The following MACF1 variants were observed in gnomAD, a reference collection of about 807,000 sequenced individuals.
MACF1 encodes the protein microtubule actin crosslinking factor 1, also known as microtubule-actin cross-linking factor 1.
Under a neutral mutation model 854.8 loss-of-function variants are expected in MACF1, and 193 were observed. The observed-to-expected ratio is 0.23, with a 90% CI of 0.20 to 0.25. The LOEUF (loss-of-function observed/expected upper bound fraction) is 0.25. Ranked by LOEUF, MACF1 falls within the 10% of genes least tolerant of loss-of-function variation. The pLI is 1.00. For synonymous variants in MACF1, 3,185 were observed against 3,226.7 expected, an observed-to-expected ratio of 0.99 and a Z score of 0.44; for missense variants, 7,722 against 8,929.1, an observed-to-expected ratio of 0.86 and a Z score of 5.45.
Position 39,357,905 on chromosome 1 carries a change from G to T in MACF1, c.11943+12G>T, listed in dbSNP as rs558531401. 1 of 1,593,110 alleles carries T rather than the reference G, an allele frequency of 6.3e-7. No homozygotes were observed. Among genetic ancestry groups the T allele is most frequent in the East Asian group, 2.2e-5 (1 of 44,800 alleles). On this transcript the variant is annotated intron_variant, in intron 45 of 100. Transcript: ENST00000564288. ...CTCTCCACTCAAAGGTAAGGGGGCA[G>T]TTCCTGGCATCCTTGGTGAAACAAT...
chr1:39,451,157 C>T lies in MACF1; in HGVS notation c.20364C>T (p.Asp6788=). 2 of 1,614,146 alleles carry T rather than the reference C, an allele frequency of 1.2e-6. No homozygotes were observed. The highest frequency in any genetic ancestry group is 1.7e-6 in the Non-Finnish European group (2 of 1,180,022). Residue 6788 remains aspartate, a synonymous_variant, in exon 85 of 101, where the codon GAC becomes GAT. Coordinates refer to ENST00000564288, the MANE Select transcript of MACF1 (RefSeq NM_001394062.1). The stretch of plus-strand genomic sequence containing the variant: ...AGGTGGAGCCACAGCTGGCTGAGGA[C>T]CAGCCCGTGCACGGGGACCTTGACC... ...LYKVEPQLAE[D]QPVHGDLDLV...
upstream of MACF1, among the ~76,000 whole-genome samples, chr1:39,200,160 A>G (rs774359499): frequency 6.6e-6 from 1 of 152,140 alleles, no homozygotes; most frequent in South Asian, 2.1e-4. Flanking sequence ...CTCAATCCTC[A>G]ACTTGACATA....
intron 2 of MACF1, among the ~76,000 whole-genome samples, chr1:39,231,693 C>CTTT (rs554909886): frequency 6.8e-6 from 1 of 146,136 alleles, no homozygotes; most frequent in African/African-American, 2.5e-5. Flanking sequence ...AAGCCTGTTT[C>CTTT]TTTTTTTTTT....
chr1:39,241,744 A>G (rs1220613102), intron 2 of MACF1, among the ~76,000 whole-genome samples: 2 of 145,234 alleles, frequency 1.4e-5, no homozygotes, highest in East Asian at 4.0e-4. Context: ...GGGGACTCTT[A>G]TTATTTAAAA....
At chr1:39,475,762 C>T (rs1366692691) in intron 97 of MACF1, among the ~76,000 whole-genome samples, 2 of 152,166 alleles carry the variant, frequency 1.3e-5, no homozygotes, top group South Asian at 4.1e-4. Context: ...GATATAACTT[C>T]TGGCATCCAG....
At chr1:39,468,798 A>G in intron 96 of MACF1, 66 bp downstream of exon 96, 8 of 1,378,472 alleles carry the variant, frequency 5.8e-6, no homozygotes, top group Non-Finnish European at 8.3e-6. Flanking sequence ...TTTTATGCTT[A>G]CAGGAAGCAT....
intron 6 of MACF1, among the ~76,000 whole-genome samples, chr1:39,273,940 CATT>C: frequency 6.6e-6 from 1 of 152,210 alleles, no homozygotes. Flanking sequence ...ACTAAAGAAT[CATT>C]ATTTTTTAGG....
intron 18 of MACF1, among the ~76,000 whole-genome samples, chr1:39,293,852 A>G (rs1283692388): frequency 6.6e-6 from 1 of 152,090 alleles, no homozygotes; most frequent in Non-Finnish European, 1.5e-5. Flanking sequence ...GGGTGAATAG[A>G]GCAGCAACCT....
In MACF1 at chr1:39,387,338, G is replaced by A. The variant is rs1420351774; in HGVS notation, c.14496G>A (p.Gln4832=). 1 of 1,614,162 alleles carries A rather than the reference G, an allele frequency of 6.2e-7. No individual in the cohort carries two copies. Among genetic ancestry groups the A allele is most frequent in the Non-Finnish European group, 8.5e-7 (1 of 1,180,044 alleles). The change falls in exon 58 of 101, where the codon CAG becomes CAA. Residue 4832 remains glutamine (Q), a synonymous_variant. Coordinates refer to ENST00000564288, the MANE Select transcript of MACF1 (RefSeq NM_001394062.1). ...ISAKLERLQS[Q]LQENEEFQKS... ...CAAAATTGGAGCGGCTACAGTCTCA[G>A]CTACAGGAGAATGAAGAGTTTCAGA...
At position 39,357,513 on chromosome 1, in the gene MACF1, A is replaced by C. The variant is rs765463587; in HGVS notation, c.11563A>C (p.Lys3855Gln). 3.1e-6 allele frequency: 5 copies of C among 1,614,166 alleles called. No individual in the cohort carries two copies. The highest frequency in any genetic ancestry group is 4.2e-6 in the Non-Finnish European group (5 of 1,180,024). ...GCTGCAACAGAAGCTGGGAGAGCTA[A>C]AGGAACAATACTCTACTTCCCTGGC... ...QMLQQKLGEL[K>Q]EQYSTSLAQS... The change falls in exon 45 of 101, where the codon AAG becomes CAG. Residue 3855 changes from lysine (K) to glutamine (Q), a missense_variant. Lys to Gln is a moderately conservative substitution (Grantham distance 53). This residue lies in a region of MACF1 where 2,807 missense variants were observed against 3,235.8 expected (regional missense o/e 0.87). Transcript: ENST00000564288.
chr1:39,302,282 G>A (rs1455628308), intron 22 of MACF1, among the ~76,000 whole-genome samples: 2 of 152,214 alleles, frequency 1.3e-5, no homozygotes, highest in African/African-American at 2.4e-5. Context: ...ATAGGTGTGA[G>A]CTGCTGTGCC....
At chr1:39,444,401 T>A (rs1406905345) in intron 79 of MACF1, among the ~76,000 whole-genome samples, 1 of 152,246 alleles carries the variant, frequency 6.6e-6, no homozygotes, top group African/African-American at 2.4e-5. Context: ...TGCCACTTGT[T>A]ATTTAGTAAA....
chr1:39,136,816 A>G (rs1043814615), intron 2 of MACF1, among the ~76,000 whole-genome samples: 8 of 152,214 alleles, frequency 5.3e-5, no homozygotes, highest in Non-Finnish European at 4.4e-5. Context: ...TTTTAGAGAA[A>G]CAGATTAAAT....
Position 39,357,633 on chromosome 1 carries a change from C to T in MACF1, c.11683C>T (p.Arg3895Ter). ...TAAAGAGTTTGAAAGCTGGTTGGAA[C>T]GATCCGAGAAAGAGCTGGAGAACAT... The part of the protein sequence containing the change: ...DHKEFESWLE[R>*]SEKELENMHK... The change falls in exon 45 of 101, where the codon CGA becomes TGA. Residue 3895 changes from arginine (R) to a stop codon, truncating the protein, a stop_gained. Coordinates refer to ENST00000564288, the MANE Select transcript of MACF1 (RefSeq NM_001394062.1). LOFTEE classifies it high-confidence loss of function. The T allele has an allele frequency of 6.2e-7, 1 of 1,614,122 alleles. No homozygotes were observed.
chr1:39,479,988 C>T lies in MACF1; in HGVS notation c.22149C>T (p.Ala7383=), dbSNP rs767984315. 5.1e-6 allele frequency: 8 copies of T among 1,581,054 alleles called. No homozygotes were observed. The highest frequency in any genetic ancestry group is 1.1e-5 in the South Asian group (1 of 90,660). ...GTACATCCATGCCATCTTCTCCAGCCACCCCAGCCAGTGGAACCAAGGTAT... is the reference window on the plus strand; with the variant it reads ...GTACATCCATGCCATCTTCTCCAGCTACCCCAGCCAGTGGAACCAAGGTAT... The part of the protein sequence containing the change: ...HSCTSMPSSP[A]TPASGTKTSL... Residue 7383 remains alanine (A), a synonymous_variant, in exon 98 of 101, where the codon GCC becomes GCT. Coordinates refer to ENST00000564288, the MANE Select transcript of MACF1 (RefSeq NM_001394062.1).
Position 39,234,519 on chromosome 1 carries a change from G to A in MACF1, c.171+3276G>A, listed in dbSNP as rs867095350. Among the ~76,000 whole-genome samples, 11 of 127,372 alleles carry A rather than the reference G, an allele frequency of 8.6e-5. No individual in the cohort carries two copies. The South Asian group carries it at 1.3e-3, about 15-fold the overall frequency. 83.6% of individuals were successfully genotyped at this position (127,372 alleles called of 152,430 possible). On this transcript the variant is annotated intron_variant, in intron 2 of 100. Transcript: ENST00000564288. ...CGGGCAGAGGCGCCCCTCACCTCCC[G>A]GACGGGGCGGCTGGCCTGGCGGGGG...
Position 39,442,023 on chromosome 1 carries a change from T to G in MACF1, c.18744T>G (p.Asn6248Lys), listed in dbSNP as rs1274814932. The change falls in exon 75 of 101, where the codon AAT becomes AAG. Residue 6248 changes from asparagine to lysine, a missense_variant. Physicochemically the swap from Asn to Lys is moderately conservative, Grantham distance 94. Coordinates refer to ENST00000564288, the MANE Select transcript of MACF1 (RefSeq NM_001394062.1). ...CTMPPVGTDL[N>K]TVKDQLNEMK... ...TGCCCCCTGTTGGCACTGACCTCAATACTGTTAAAGATCAGTTAAATGAAA... is the reference window on the plus strand; with the variant it reads ...TGCCCCCTGTTGGCACTGACCTCAAGACTGTTAAAGATCAGTTAAATGAAA... 1 of 1,613,948 alleles carries G rather than the reference T, an allele frequency of 6.2e-7. No homozygotes were observed. Among genetic ancestry groups the G allele is most frequent in the Admixed American group, 1.7e-5 (1 of 59,976 alleles).
intron 2 of MACF1, among the ~76,000 whole-genome samples, chr1:39,173,307 TCCAGC>T (rs1643977664): frequency 7.5e-6 from 1 of 133,006 alleles, no homozygotes; most frequent in African/African-American, 2.9e-5. Context: ...ACCACTGAAC[TCCAGC>T]CTGGTGATGG....
chr1:39,151,377 C>T (rs1239124953), intron 2 of MACF1, among the ~76,000 whole-genome samples: 2 of 152,160 alleles, frequency 1.3e-5, no homozygotes, highest in Non-Finnish European at 2.9e-5. Context: ...TGCCAGAATG[C>T]TCTTTCTAAA....
Sources: allele counts gnomAD v4.1 joint callset (sites outside exome capture counted in the v4.1 genomes callset), GRCh38; gene constraint gnomAD v4.1.1; regional missense constraint gnomAD v4.1.1; transcripts MANE v1.5; gene names NCBI Gene and HGNC (gene_info 2026-07-23, HGNC 2026-07-21).